CCDC3: variants seen among roughly 807,000 people sequenced by gnomAD.
The protein encoded by CCDC3 is coiled-coil domain containing 3.
A neutral mutation model predicts 21.4 loss-of-function variants in CCDC3; 24 were observed. The ratio of observed to expected loss-of-function variants is 1.12; its 90% confidence interval spans 0.81 to 1.58. CCDC3 has a LOEUF of 1.58. Ranked by LOEUF, CCDC3 falls within the 40% of genes most tolerant of loss-of-function variation. The probability of loss-of-function intolerance (pLI) is 0.00; values close to 1 mark genes in which losing one functional copy is unlikely to be tolerated. For synonymous variants in CCDC3, 186 were observed against 166.0 expected, an observed-to-expected ratio of 1.12 and a Z score of -0.93; for missense variants, 425 against 360.9, an observed-to-expected ratio of 1.18 and a Z score of -1.44.
intron 2 of CCDC3, among the ~76,000 whole-genome samples, chr10:12,936,370 CTTTTT>C (rs1834738160): frequency 6.6e-6 from 1 of 151,320 alleles, no homozygotes; most frequent in Admixed American, 6.6e-5. Flanking sequence ...TTTTTTTTCT[CTTTTT>C]GAGACAGGAT....
At chr10:13,014,238 G>A (rs1836021014) in intron 5 of CCDC3, among the ~76,000 whole-genome samples, 2 of 151,662 alleles carry the variant, frequency 1.3e-5, no homozygotes, top group Non-Finnish European at 2.9e-5. Flanking sequence ...CAGATCACAA[G>A]GTCAGGAGAT....
chr10:13,063,316 T>TGGTG (rs1821891888), intron 4 of CCDC3, among the ~76,000 whole-genome samples: 1 of 74,560 alleles, frequency 1.3e-5, no homozygotes, highest in Admixed American at 1.4e-4. Flanking sequence ...GTTCTAGGCA[T>TGGTG]GGTGTCCTGC....
chr10:12,986,602 A>G (rs189953078), intron 2 of CCDC3, among the ~76,000 whole-genome samples: 2,188 of 152,204 alleles, frequency 0.014, 25 homozygotes, highest in Non-Finnish European at 0.023. Context: ...GTGAAACCCC[A>G]TCTCCACTAA....
chr10:13,099,514 C>T (rs910792600), exon 1 of CCDC3: 1 of 147,826 alleles, frequency 6.8e-6, no homozygotes, highest in African/African-American at 2.5e-5. Context: ...ACCTTGTCAT[C>T]CTGCTGTCTA....
intron 3 of CCDC3, among the ~76,000 whole-genome samples, chr10:13,085,915 CA>C (rs1478575003): frequency 1.3e-5 from 2 of 149,426 alleles, no homozygotes; most frequent in Non-Finnish European, 3.0e-5. Flanking sequence ...TGCAGTGAGC[CA>C]AAATTGTGCA....
chr10:13,082,520 T>C (rs1837055158), intron 3 of CCDC3, among the ~76,000 whole-genome samples: 1 of 152,232 alleles, frequency 6.6e-6, no homozygotes, highest in South Asian at 2.1e-4. Context: ...CGGGCAGGCC[T>C]GTCTGATGTC....
intron 3 of CCDC3, among the ~76,000 whole-genome samples, chr10:13,086,213 T>TA (rs201388976): frequency 0.014 from 2,062 of 152,272 alleles, 28 homozygotes; most frequent in Middle Eastern, 0.048. Context: ...TGGGGATTTA[T>TA]AATCAAGTAG....
chr10:13,041,255 C>G lies in CCDC3; in HGVS notation c.-2+8419G>C, dbSNP rs552062173. On this transcript the variant is annotated intron_variant, in intron 5 of 6. Coordinates refer to the CCDC3 transcript ENST00000378839. ...TAGTATTTCTCTTGGTTTCTAAAAGCCTTTGTCTTCAATTAAAAATAAAAA... is the reference window on the plus strand; with the variant it reads ...TAGTATTTCTCTTGGTTTCTAAAAGGCTTTGTCTTCAATTAAAAATAAAAA... 2.2e-4 allele frequency among the ~76,000 whole-genome samples: 34 copies of G among 152,030 alleles called. 1 individual carries two copies. Among genetic ancestry groups the G allele is most frequent in the South Asian group, 4.1e-4 (2 of 4,822 alleles).
rs558412627 is a variant in CCDC3, at chr10:12,977,754, C to T, written c.549+20584G>A. On this transcript the variant is annotated intron_variant, in intron 2 of 2. Coordinates refer to ENST00000378825, the MANE Select transcript of CCDC3 (RefSeq NM_031455.4). ...AACTTCATCAACCATGCTAAGATTT[C>T]ATCATTAACAGATGCATATCAAGTT... 2.9e-3 allele frequency among the ~76,000 whole-genome samples: 447 copies of T among 152,312 alleles called. 2 individuals are homozygous for T. The highest frequency in any genetic ancestry group is 0.01 in the African/African-American group (427 of 41,570).
In CCDC3 at chr10:13,055,041, T is replaced by C. The variant is rs185217220; in HGVS notation, c.-269-5100A>G. Among the ~76,000 whole-genome samples, 27 of 152,266 alleles carry C rather than the reference T, an allele frequency of 1.8e-4. No homozygotes were observed. In the East Asian group the frequency reaches 4.8e-3, roughly 27 times the overall value. The stretch of plus-strand genomic sequence containing the variant: ...ACAGCTCTGCCCCATGTGGTGTGGA[T>C]TGTGGTTATGCAGGCAGCTGCAAAC... On this transcript the variant is annotated intron_variant, in intron 4 of 6. Coordinates refer to the CCDC3 transcript ENST00000378839.
chr10:13,080,761 C>A (rs1375525869), intron 3 of CCDC3, among the ~76,000 whole-genome samples: 1 of 152,238 alleles, frequency 6.6e-6, no homozygotes, highest in African/African-American at 2.4e-5. Context: ...AGCAGGGGGA[C>A]CTAGCCACGG....
At chr10:13,029,228 C>T (rs575403454) in intron 5 of CCDC3, among the ~76,000 whole-genome samples, 15 of 152,240 alleles carry the variant, frequency 9.9e-5, no homozygotes, top group Admixed American at 6.5e-4. Flanking sequence ...CTCATCTTGT[C>T]CTGTTGGCTT....
intron 4 of CCDC3, among the ~76,000 whole-genome samples, chr10:13,052,409 T>A (rs890957902): frequency 6.6e-6 from 1 of 152,220 alleles, no homozygotes; most frequent in African/African-American, 2.4e-5. Flanking sequence ...CTTGATTGCT[T>A]ACCTGATTTG....
chr10:12,978,045 A>G (rs547033006), intron 2 of CCDC3, among the ~76,000 whole-genome samples: 1 of 151,144 alleles, frequency 6.6e-6, no homozygotes, highest in South Asian at 2.1e-4. Context: ...TTGAGATGGA[A>G]TTTCACTCTG....
chr10:12,955,976 G>A (rs967317544), intron 2 of CCDC3, among the ~76,000 whole-genome samples: 1 of 152,108 alleles, frequency 6.6e-6, no homozygotes, highest in African/African-American at 2.4e-5. Flanking sequence ...CCAAAGTGCT[G>A]GGATTACAGA....
intron 2 of CCDC3, among the ~76,000 whole-genome samples, chr10:12,904,490 A>AAAAAAAAAAAAC: frequency 1.3e-5 from 2 of 149,868 alleles, no homozygotes; most frequent in East Asian, 1.9e-4. Flanking sequence ...AAAAAAAAAA[A>AAAAAAAAAAAAC]AGACTGGCTC....
At chr10:12,950,439 G>A (rs907401381) in intron 2 of CCDC3, among the ~76,000 whole-genome samples, 2 of 152,060 alleles carry the variant, frequency 1.3e-5, no homozygotes, top group African/African-American at 4.8e-5. Flanking sequence ...GCATCTGCTG[G>A]GATTAAAAAG....
intron 2 of CCDC3, among the ~76,000 whole-genome samples, chr10:12,923,807 A>G (rs1356000363): frequency 6.6e-6 from 1 of 152,114 alleles, no homozygotes; most frequent in African/African-American, 2.4e-5. Flanking sequence ...TACACTTTAC[A>G]AGTCAATAGT....
chr10:13,037,407 C>T (rs534861409), intron 5 of CCDC3, among the ~76,000 whole-genome samples: 1 of 152,196 alleles, frequency 6.6e-6, no homozygotes, highest in South Asian at 2.1e-4. Context: ...ACACTTGATC[C>T]TACATAAAAA....
Sources: gnomAD v4.1 joint callset for allele counts (sites outside exome capture counted in the v4.1 genomes callset) on GRCh38, gnomAD v4.1.1 for gene constraint, MANE v1.5 for transcripts, NCBI Gene and HGNC (gene_info 2026-07-23, HGNC 2026-07-21) for gene names.